The following AUTS2 variants were observed in gnomAD, a reference collection of about 807,000 sequenced individuals.
AUTS2 encodes autism susceptibility gene 2 protein.
Under a neutral mutation model 112.4 loss-of-function variants are expected in AUTS2, and 17 were observed. The observed-to-expected ratio is 0.15, with a 90% confidence interval of 0.10 to 0.23. The LOEUF is 0.23. AUTS2 is among the 10% of genes least tolerant of loss of function. AUTS2 has a pLI of 1.00. For missense variants in AUTS2, 1,510 were observed against 1,701.6 expected (o/e 0.89, Z 1.98); for synonymous variants, 751 against 702.7 (o/e 1.07, Z -1.09).
chr7:70,314,536 C>T (rs1585008006), intron 4 of AUTS2, among the ~76,000 whole-genome samples: 1 of 152,196 alleles, frequency 6.6e-6, no homozygotes, highest in Non-Finnish European at 1.5e-5. Context: ...AAATTTCTAC[C>T]TCTGGCTGGG....
At chr7:70,779,279 C>T (rs1790907046) in intron 14 of AUTS2, among the ~76,000 whole-genome samples, 1 of 152,192 alleles carries the variant, frequency 6.6e-6, no homozygotes, top group Non-Finnish European at 1.5e-5. Flanking sequence ...ATTACATCTT[C>T]CCTCTCTCTG....
chr7:69,996,978 T>C (rs1798976001), intron 2 of AUTS2, among the ~76,000 whole-genome samples: 1 of 104,524 alleles, frequency 9.6e-6, no homozygotes, highest in Non-Finnish European at 1.9e-5. Flanking sequence ...AACTCCAGGC[T>C]CAATCCCAGA....
chr7:69,962,106 A>T (rs1797454285), intron 2 of AUTS2, among the ~76,000 whole-genome samples: 1 of 152,148 alleles, frequency 6.6e-6, no homozygotes, highest in Non-Finnish European at 1.5e-5. Context: ...GAACCTTGGA[A>T]CTGACCTTTA....
chr7:70,370,593 A>T (rs1220517356), intron 4 of AUTS2, among the ~76,000 whole-genome samples: 1 of 152,214 alleles, frequency 6.6e-6, no homozygotes, highest in African/African-American at 2.4e-5. Context: ...ATTGATAGAC[A>T]TTGGGATTGT....
At chr7:69,863,040 A>G (rs1410104052) in intron 1 of AUTS2, among the ~76,000 whole-genome samples, 5 of 151,570 alleles carry the variant, frequency 3.3e-5, no homozygotes, top group African/African-American at 4.8e-5. Flanking sequence ...TCTTTTCCAC[A>G]TTCACCTGAG....
intron 2 of AUTS2, among the ~76,000 whole-genome samples, chr7:70,012,310 G>C (rs1002193173): frequency 6.6e-6 from 1 of 152,106 alleles, no homozygotes; most frequent in African/African-American, 2.4e-5. Flanking sequence ...GGTAATTTTT[G>C]TCTGCCTTTG....
chr7:70,743,374 C>A (rs1426094416), intron 6 of AUTS2, among the ~76,000 whole-genome samples: 2 of 146,838 alleles, frequency 1.4e-5, no homozygotes, highest in East Asian at 2.1e-4. Context: ...GAGGCTGAGG[C>A]AGGAGAACCA....
intron 2 of AUTS2, among the ~76,000 whole-genome samples, chr7:70,028,864 A>G (rs1389428252): frequency 6.6e-6 from 1 of 152,158 alleles, no homozygotes; most frequent in African/African-American, 2.4e-5. Context: ...ATTGCCTGCG[A>G]ATTGAGAATA....
chr7:70,423,520 A>G (rs1352234609), intron 4 of AUTS2, among the ~76,000 whole-genome samples: 1 of 152,256 alleles, frequency 6.6e-6, no homozygotes, highest in Non-Finnish European at 1.5e-5. Flanking sequence ...TGCACTATGC[A>G]TAGCATAACT....
Position 70,497,055 on chromosome 7 carries a change from G to A in AUTS2, c.690+61274G>A, listed in dbSNP as rs1340132063. On this transcript the variant is annotated intron_variant, in intron 5 of 18. Transcript: ENST00000342771. Reference sequence around the variant, plus strand: ...CCACACATGCACACATCACATCAGCGTCGATCACACATCCCACTCACACAC... The same window carrying A: ...CCACACATGCACACATCACATCAGCATCGATCACACATCCCACTCACACAC... Among the ~76,000 whole-genome samples, 96 of 79,036 alleles carry A rather than the reference G, an allele frequency of 1.2e-3. 3 individuals are homozygous for A. Among genetic ancestry groups the A allele is most frequent in the African/African-American group, 2.3e-3 (38 of 16,866 alleles). The allele number at this position is 79,036 out of a possible 152,430, so 51.9% of individuals were successfully genotyped here. A position where few individuals can be genotyped will look rare whatever the true frequency, so the allele number is the denominator to read the frequency against.
At chr7:69,778,192 G>C (rs1394431784) in intron 1 of AUTS2, among the ~76,000 whole-genome samples, 2 of 150,338 alleles carry the variant, frequency 1.3e-5, no homozygotes, top group African/African-American at 4.9e-5. Flanking sequence ...ATCTCATGGA[G>C]AGTTATTAAA....
chr7:70,655,031 C>T (rs2129542157), intron 5 of AUTS2, among the ~76,000 whole-genome samples: 1 of 152,378 alleles, frequency 6.6e-6, no homozygotes, highest in East Asian at 1.9e-4. Context: ...GGAGTTTGGA[C>T]ACCCACAAAG....
At chr7:70,026,811 A>C (rs1312721798) in intron 2 of AUTS2, among the ~76,000 whole-genome samples, 1 of 152,100 alleles carries the variant, frequency 6.6e-6, no homozygotes, top group African/African-American at 2.4e-5. Flanking sequence ...GGAGAAACTG[A>C]AGGAGAGGAC....
intron 4 of AUTS2, among the ~76,000 whole-genome samples, chr7:70,355,860 T>C (rs1162083341): frequency 6.6e-6 from 1 of 152,188 alleles, no homozygotes; most frequent in East Asian, 1.9e-4. Flanking sequence ...CCATGCTGCC[T>C]TACCCCTGGG....
intron 1 of AUTS2, among the ~76,000 whole-genome samples, chr7:69,739,649 C>A (rs1167998060): frequency 1.3e-5 from 2 of 152,208 alleles, no homozygotes; most frequent in Admixed American, 1.3e-4. Context: ...TTTTAAAAAT[C>A]TCCCACCCAC....
chr7:70,637,645 G>GC (rs1805598107), intron 5 of AUTS2, among the ~76,000 whole-genome samples: 1 of 152,198 alleles, frequency 6.6e-6, no homozygotes, highest in Non-Finnish European at 1.5e-5. Context: ...GAAGAGGTAG[G>GC]CGTTGTTCTT....
At chr7:69,700,179 A>G (rs1797747200) in intron 1 of AUTS2, among the ~76,000 whole-genome samples, 1 of 152,226 alleles carries the variant, frequency 6.6e-6, no homozygotes, top group South Asian at 2.1e-4. Flanking sequence ...GAAAATTGGT[A>G]TCTCAAAGTG....
At chr7:70,633,432 T>A (rs1805372833) in intron 5 of AUTS2, among the ~76,000 whole-genome samples, 1 of 152,018 alleles carries the variant, frequency 6.6e-6, no homozygotes, top group Non-Finnish European at 1.5e-5. Flanking sequence ...GCCAACATGG[T>A]GAAACCTGTC....
intron 1 of AUTS2, among the ~76,000 whole-genome samples, chr7:69,806,815 G>A (rs7777621): frequency 6.6e-6 from 1 of 151,984 alleles, no homozygotes; most frequent in African/African-American, 2.4e-5. Flanking sequence ...TTCCATAGTC[G>A]TCTTCTTTCT....
Sources: gnomAD v4.1 joint callset for allele counts (sites outside exome capture counted in the v4.1 genomes callset) on GRCh38, gnomAD v4.1.1 for gene constraint, MANE v1.5 for transcripts, NCBI Gene and HGNC (gene_info 2026-07-23, HGNC 2026-07-21) for gene names.